MGAT4C: variants seen among roughly 807,000 people sequenced by gnomAD.
MGAT4C encodes alpha-1,3-mannosyl-glycoprotein 4-beta-N-acetylglucosaminyltransferase C.
In MGAT4C, 19 loss-of-function variants were observed where a neutral mutation model predicts 40.1. The ratio of observed to expected loss-of-function variants is 0.47; its 90% CI spans 0.33 to 0.70. The LOEUF (loss-of-function observed/expected upper bound fraction) is 0.70, where lower values mean the gene tolerates loss of function less well. MGAT4C is among the 30% of genes least tolerant of loss of function. MGAT4C has a pLI of 0.02. For synonymous variants in MGAT4C, 181 were observed against 187.1 expected, an observed-to-expected ratio of 0.97 and a Z score of 0.27; for missense variants, 491 against 563.2, an observed-to-expected ratio of 0.87 and a Z score of 1.30.
At chr12:86,442,827 T>C (rs550138453) in intron 2 of MGAT4C, among the ~76,000 whole-genome samples, 2 of 152,158 alleles carry the variant, frequency 1.3e-5, no homozygotes, top group African/African-American at 4.8e-5. Context: ...TGTTTTATTT[T>C]CACAAATTGC....
chr12:86,213,721 T>A (rs1566157527), intron 1 of MGAT4C, among the ~76,000 whole-genome samples: 1 of 152,236 alleles, frequency 6.6e-6, no homozygotes, highest in Non-Finnish European at 1.5e-5. Context: ...CATATTGGAC[T>A]GCATAGCATA....
chr12:86,499,638 T>G (rs1193904230), intron 2 of MGAT4C, among the ~76,000 whole-genome samples: 1 of 151,898 alleles, frequency 6.6e-6, no homozygotes, highest in Non-Finnish European at 1.5e-5. Context: ...TGCTAGTTAA[T>G]GGTACCTCAA....
chr12:86,655,119 G>A (rs558960702), intron 2 of MGAT4C, among the ~76,000 whole-genome samples: 1 of 151,884 alleles, frequency 6.6e-6, no homozygotes, highest in South Asian at 2.1e-4. Flanking sequence ...TATGTGCCAT[G>A]TTGGTTTGCT....
chr12:86,096,549 T>C (rs1260463091), intron 1 of MGAT4C, among the ~76,000 whole-genome samples: 1 of 151,592 alleles, frequency 6.6e-6, no homozygotes, highest in East Asian at 1.9e-4. Context: ...ACTTGTGAAA[T>C]ATTTTTCTAA....
intron 4 of MGAT4C, among the ~76,000 whole-genome samples, chr12:86,277,201 T>C (rs975122120): frequency 1.3e-5 from 2 of 152,200 alleles, no homozygotes; most frequent in African/African-American, 4.8e-5. Context: ...TATATACCTG[T>C]TTGCTATTTG....
At chr12:86,831,716 A>G (rs1231428117) in intron 1 of MGAT4C, among the ~76,000 whole-genome samples, 1 of 151,840 alleles carries the variant, frequency 6.6e-6, no homozygotes, top group Non-Finnish European at 1.5e-5. Context: ...GACTAAGATG[A>G]TAGGGCCTAA....
chr12:86,620,352 C>T (rs1962596479), intron 2 of MGAT4C, among the ~76,000 whole-genome samples: 1 of 152,010 alleles, frequency 6.6e-6, no homozygotes, highest in African/African-American at 2.4e-5. Context: ...CACACACACA[C>T]ACACACACAT....
At chr12:86,507,656 T>C (rs1292723821) in intron 2 of MGAT4C, among the ~76,000 whole-genome samples, 4 of 152,206 alleles carry the variant, frequency 2.6e-5, no homozygotes, top group African/African-American at 9.6e-5. Context: ...ATCAGCTCAC[T>C]TTCAAATGAG....
intron 4 of MGAT4C, among the ~76,000 whole-genome samples, chr12:86,319,655 G>C (rs1030874173): frequency 3.9e-5 from 6 of 152,104 alleles, no homozygotes; most frequent in Admixed American, 6.6e-5. Flanking sequence ...TATTTCTGCT[G>C]AATTCCTAAC....
At chr12:86,761,680 A>G (rs1207889640) in intron 1 of MGAT4C, among the ~76,000 whole-genome samples, 1 of 152,066 alleles carries the variant, frequency 6.6e-6, no homozygotes, top group Non-Finnish European at 1.5e-5. Flanking sequence ...TTGACTTTTT[A>G]GTGGTAACTT....
At chr12:86,373,756 A>T (rs918101218) in intron 3 of MGAT4C, among the ~76,000 whole-genome samples, 2 of 151,884 alleles carry the variant, frequency 1.3e-5, no homozygotes, top group African/African-American at 4.8e-5. Flanking sequence ...AGGGGTCAAT[A>T]GGCAAAAGAC....
intron 2 of MGAT4C, among the ~76,000 whole-genome samples, chr12:86,726,922 A>G (rs1038171628): frequency 3.3e-5 from 5 of 152,154 alleles, no homozygotes; most frequent in African/African-American, 1.2e-4. Flanking sequence ...AGGACTTAAA[A>G]GTATATTTTC....
At chr12:85,993,864 G>A (rs1886279614) in intron 2 of MGAT4C, among the ~76,000 whole-genome samples, 1 of 152,200 alleles carries the variant, frequency 6.6e-6, no homozygotes, top group Admixed American at 6.5e-5. Context: ...AGGAGGGACT[G>A]TCTAGACAGC....
rs143837216 is a variant in MGAT4C, at chr12:86,593,079, T to G, written c.-229+134130A>C. ...TTAATTCTCAACATTTGTACTTTTT[T>G]TTTTCTTTCTAGATTGTGTTTCTCT... On this transcript the variant is annotated intron_variant, in intron 2 of 7. Coordinates refer to the MGAT4C transcript ENST00000548651. Among the ~76,000 whole-genome samples, 352 of 152,196 alleles carry G rather than the reference T, an allele frequency of 2.3e-3. 2 individuals carry two copies. The highest frequency in any genetic ancestry group is 8.0e-3 in the African/African-American group (331 of 41,572).
chr12:86,185,606 C>A (rs1325728482), intron 1 of MGAT4C, among the ~76,000 whole-genome samples: 2 of 152,178 alleles, frequency 1.3e-5, no homozygotes, highest in African/African-American at 4.8e-5. Flanking sequence ...TGGATAGTCA[C>A]TGATGACCAA....
At chr12:86,257,511 C>T (rs900064549), upstream of MGAT4C, among the ~76,000 whole-genome samples, 3 of 152,326 alleles carry the variant, frequency 2.0e-5, 1 homozygote, top group African/African-American at 7.2e-5. Context: ...AGGAAATTCA[C>T]TTCAACCACC....
chr12:86,595,376 C>G (rs1473059207), intron 2 of MGAT4C, among the ~76,000 whole-genome samples: 1 of 151,880 alleles, frequency 6.6e-6, no homozygotes, highest in Non-Finnish European at 1.5e-5. Context: ...ACTAAAAATA[C>G]AAAAATTAGC....
chr12:86,276,878 T>G (rs1953092208), intron 4 of MGAT4C, among the ~76,000 whole-genome samples: 1 of 152,236 alleles, frequency 6.6e-6, no homozygotes, highest in African/African-American at 2.4e-5. Context: ...CTATTATAAA[T>G]AGTGCTGCAA....
At chr12:86,562,202 G>T (rs1481003856) in intron 2 of MGAT4C, among the ~76,000 whole-genome samples, 1 of 152,156 alleles carries the variant, frequency 6.6e-6, no homozygotes, top group Non-Finnish European at 1.5e-5. Flanking sequence ...TTCTAAGACT[G>T]TTCTGAGTGG....
Sources: allele counts gnomAD v4.1 joint callset (sites outside exome capture counted in the v4.1 genomes callset), GRCh38; gene constraint gnomAD v4.1.1; transcripts MANE v1.5; gene names NCBI Gene and HGNC (gene_info 2026-07-23, HGNC 2026-07-21).